XCL1: variants seen among roughly 807,000 people sequenced by gnomAD.
XCL1 encodes lymphotactin.
XCL1 carries 6 observed loss-of-function variants against 7.4 expected under a neutral mutation model. That is an observed-to-expected ratio of 0.82 (90% confidence interval 0.45 to 1.61). The LOEUF (loss-of-function observed/expected upper bound fraction) is 1.61, where lower values mean the gene tolerates loss of function less well. XCL1 is among the 40% of genes most tolerant of loss of function. The pLI is 0.01. For missense variants in XCL1, 122 were observed against 138.2 expected (o/e 0.88, Z 0.59); for synonymous variants, 48 against 52.4 (o/e 0.92, Z 0.36).
chr1:168,579,652 C>T (rs543350005), intron 1 of XCL1, among the ~76,000 whole-genome samples: 3 of 152,026 alleles, frequency 2.0e-5, no homozygotes, highest in African/African-American at 4.8e-5. Context: ...CTGGCTCCCT[C>T]ATGAGAAGAT....
In XCL1 at chr1:168,581,209, C is replaced by G. The variant is rs761412561; in HGVS notation, c.334C>G (p.Leu112Val). The G allele has an allele frequency of 6.2e-7, 1 of 1,613,674 alleles. No individual in the cohort carries two copies. Among genetic ancestry groups the G allele is most frequent in the Admixed American group, 1.7e-5 (1 of 59,982 alleles). Residue 112 changes from leucine (L) to valine (V), a missense_variant, in exon 3 of 3, where the codon CTG becomes GTG. By Grantham distance (32) the Leu-to-Val change is conservative (BLOSUM62 1). Coordinates refer to ENST00000367818, the MANE Select transcript of XCL1 (RefSeq NM_002995.3). The stretch of plus-strand genomic sequence containing the variant: ...GCAATCGACCAATACAGCTGTGACT[C>G]TGACTGGCTAGTAGTCTCTGGCACC... ...TQQSTNTAVTLTG is the reference protein window; with the variant it reads ...TQQSTNTAVTVTG
At chr1:168,580,236 T>A in intron 2 of XCL1, 59 bp downstream of exon 2, 1 of 1,552,752 alleles carries the variant, frequency 6.4e-7, no homozygotes, top group Non-Finnish European at 8.8e-7. Flanking sequence ...AGAAATACAC[T>A]CTGTAGAAAT....
At position 168,581,164 on chromosome 1, in the gene XCL1, A is replaced by T. The variant is rs1457585595; in HGVS notation, c.289A>T (p.Thr97Ser). The T allele has an allele frequency of 3.7e-6, 6 of 1,613,700 alleles. No homozygotes were observed. In the African/African-American group the frequency reaches 6.7e-5, roughly 18 times the overall value. ...KSNTRNNMIQ[T>S]KPTGTQQSTN... ...CAACACCAGAAATAACATGATCCAG[A>T]CCAAGCCAACAGGAACCCAGCAATC... is the stretch of plus-strand genomic sequence containing the variant. Residue 97 changes from threonine to serine, a missense_variant, in exon 3 of 3, where the codon ACC becomes TCC. By Grantham distance (58) the Thr-to-Ser change is moderately conservative. Coordinates refer to ENST00000367818, the MANE Select transcript of XCL1 (RefSeq NM_002995.3).
chr1:168,576,795 C>A lies in XCL1; in HGVS notation c.61+97C>A, dbSNP rs1572577167. On this transcript the variant is annotated intron_variant, in intron 1 of 2. Coordinates refer to ENST00000367818, the MANE Select transcript of XCL1 (RefSeq NM_002995.3). ...CTCAGGTTATGACTGGACTAACCTGCTTTCCCCAGGGGAGCCTTAAACTTC... is the reference window on the plus strand; with the variant it reads ...CTCAGGTTATGACTGGACTAACCTGATTTCCCCAGGGGAGCCTTAAACTTC... 5.2e-6 allele frequency: 8 copies of A among 1,550,656 alleles called. No homozygotes were observed. The East Asian group carries it at 1.8e-4, about 36-fold the overall frequency.
Position 168,580,047 on chromosome 1 carries a change from T to G in XCL1, c.62-16T>G, listed in dbSNP as rs1356072717. ...GCTTTATTTTTAATTGTCTGTTGTT[T>G]TTTTTTCCTCACCAGGTGTAGGGAG... On this transcript the variant is annotated splice_polypyrimidine_tract_variant and intron_variant, in intron 1 of 2. Transcript: ENST00000367818. The G allele has an allele frequency of 3.1e-6, 5 of 1,604,064 alleles. No individual in the cohort carries two copies. The highest frequency in any genetic ancestry group is 1.1e-5 in the South Asian group (1 of 89,340).
Position 168,580,125 on chromosome 1 carries a change from G to A in XCL1, c.124G>A (p.Val42Ile). 1.2e-6 allele frequency: 2 copies of A among 1,613,428 alleles called. No individual in the cohort carries two copies. Among genetic ancestry groups the A allele is most frequent in the Non-Finnish European group, 1.7e-6 (2 of 1,179,634 alleles). Reference sequence around the variant, plus strand: ...GAGCCTCACTACCCAGCGACTGCCGGTTAGCAGAATCAAGACCTACACCAT... The same window carrying A: ...GAGCCTCACTACCCAGCGACTGCCGATTAGCAGAATCAAGACCTACACCAT... Reference protein sequence around the residue: ...CVSLTTQRLPVSRIKTYTITE... With the variant: ...CVSLTTQRLPISRIKTYTITE... Residue 42 changes from valine to isoleucine, a missense_variant, in exon 2 of 3, where the codon GTT becomes ATT. Val to Ile is a conservative substitution (Grantham distance 29, BLOSUM62 3). Coordinates refer to ENST00000367818, the MANE Select transcript of XCL1 (RefSeq NM_002995.3).
chr1:168,577,312 TG>T (rs1655046948), intron 1 of XCL1, among the ~76,000 whole-genome samples: 1 of 152,068 alleles, frequency 6.6e-6, no homozygotes, highest in East Asian at 1.9e-4. Context: ...TTCAAGTACG[TG>T]GGGGACTCTG....
Position 168,581,274 on chromosome 1 carries a change from G to T in XCL1, c.*54G>T. The T allele has an allele frequency of 6.3e-7, 1 of 1,592,758 alleles. No individual in the cohort carries two copies. Among genetic ancestry groups the T allele is most frequent in the Non-Finnish European group, 8.6e-7 (1 of 1,167,188 alleles). Reference sequence around the variant, plus strand: ...CCAGCCAGCTCATTTCACTTTACACGCTCATGGACTGAGTTTATACTCACC... The same window carrying T: ...CCAGCCAGCTCATTTCACTTTACACTCTCATGGACTGAGTTTATACTCACC... On this transcript the variant is annotated 3_prime_UTR_variant, in exon 3 of 3. Transcript: ENST00000367818.
chr1:168,578,992 C>A (rs1196172786), intron 1 of XCL1: 1 of 402,888 alleles, frequency 2.5e-6, no homozygotes, highest in Non-Finnish European at 4.9e-6. Context: ...TCTTCTTTTC[C>A]AGCAAGGTGG....
At chr1:168,576,814 A>T in intron 1 of XCL1, 116 bp downstream of exon 1, 6 of 1,390,924 alleles carry the variant, frequency 4.3e-6, no homozygotes, top group Non-Finnish European at 6.0e-6. Context: ...GGGGAGCCTT[A>T]AACTTCCCAT....
At chr1:168,577,598 A>T (rs1688605539) in intron 1 of XCL1, among the ~76,000 whole-genome samples, 1 of 152,184 alleles carries the variant, frequency 6.6e-6, no homozygotes, top group South Asian at 2.1e-4. Context: ...ATTATAACTT[A>T]ATAATGGGTC....
intron 2 of XCL1, among the ~76,000 whole-genome samples, chr1:168,580,658 T>G (rs1258985923): frequency 6.6e-6 from 1 of 152,206 alleles, no homozygotes; most frequent in Non-Finnish European, 1.5e-5. Context: ...CAACATGTAA[T>G]TGCAAGCTTT....
In XCL1 at chr1:168,576,653, C is replaced by T. The variant is rs1284754268; in HGVS notation, c.16C>T (p.Leu6=). 6 of 1,613,744 alleles carry T rather than the reference C, an allele frequency of 3.7e-6. No individual in the cohort carries two copies. Among genetic ancestry groups the T allele is most frequent in the Non-Finnish European group, 4.2e-6 (5 of 1,179,812 alleles). The change falls in exon 1 of 3, where the codon CTG becomes TTG. Residue 6 remains leucine, a synonymous_variant. Transcript: ENST00000367818. ...GACCTCAGCCATGAGACTTCTCATCCTGGCCCTCCTTGGCATCTGCTCTCT... is the reference window on the plus strand; with the variant it reads ...GACCTCAGCCATGAGACTTCTCATCTTGGCCCTCCTTGGCATCTGCTCTCT... MRLLI[L]ALLGICSLTA...
At chr1:168,577,279 A>C (rs1185009205) in intron 1 of XCL1, among the ~76,000 whole-genome samples, 1 of 152,210 alleles carries the variant, frequency 6.6e-6, no homozygotes, top group Non-Finnish European at 1.5e-5. Flanking sequence ...TCAAACCTTC[A>C]TGTCCAGAAA....
chr1:168,581,617 A>T lies in XCL1; in HGVS notation c.*397A>T, dbSNP rs1655175166. 1 of 154,562 alleles carries T rather than the reference A, an allele frequency of 6.5e-6. No individual in the cohort carries two copies. Among genetic ancestry groups the T allele is most frequent in the Non-Finnish European group, 1.4e-5 (1 of 69,770 alleles). The allele number at this position is 154,562 out of a possible 1,614,324, so 9.6% of individuals were successfully genotyped here. Reference sequence around the variant, plus strand: ...CACAAGTTACAGCTGTGACAATGGCAACAATTTGAGATGTATTTCAACTTG... The same window carrying T: ...CACAAGTTACAGCTGTGACAATGGCTACAATTTGAGATGTATTTCAACTTG... On this transcript the variant is annotated 3_prime_UTR_variant, in exon 3 of 3. Transcript: ENST00000367818.
chr1:168,581,318 T>G lies in XCL1; in HGVS notation c.*98T>G. On this transcript the variant is annotated 3_prime_UTR_variant, in exon 3 of 3. Transcript: ENST00000367818. The stretch of plus-strand genomic sequence containing the variant: ...ACTCACCTTTTATGAAAGCACTGCA[T>G]GAATAAAATTATTCCTTTGTATTTT... The G allele has an allele frequency of 1.4e-6, 2 of 1,445,450 alleles. No individual in the cohort carries two copies. The highest frequency in any genetic ancestry group is 3.1e-5 in the South Asian group (2 of 64,408). The allele number at this position is 1,445,450 out of a possible 1,614,324, so 89.5% of individuals were successfully genotyped here. A position where few individuals can be genotyped will look rare whatever the true frequency, so the allele number is the denominator to read the frequency against.
In XCL1 at chr1:168,576,791, C is replaced by T. The variant is rs569923750; in HGVS notation, c.61+93C>T. The T allele has an allele frequency of 3.3e-6, 5 of 1,514,170 alleles. No homozygotes were observed. The African/African-American group carries it at 4.3e-5, about 13-fold the overall frequency. 93.8% of individuals were successfully genotyped at this position (1,514,170 alleles called of 1,614,324 possible). A position where few individuals can be genotyped will look rare whatever the true frequency, so the allele number is the denominator to read the frequency against. Reference sequence around the variant, plus strand: ...TTGACTCAGGTTATGACTGGACTAACCTGCTTTCCCCAGGGGAGCCTTAAA... The same window carrying T: ...TTGACTCAGGTTATGACTGGACTAATCTGCTTTCCCCAGGGGAGCCTTAAA... On this transcript the variant is annotated intron_variant, in intron 1 of 2. Coordinates refer to ENST00000367818, the MANE Select transcript of XCL1 (RefSeq NM_002995.3).
chr1:168,580,411 G>T lies in XCL1; in HGVS notation c.176+234G>T, dbSNP rs575310734. Among the ~76,000 whole-genome samples, 400 of 151,946 alleles carry T rather than the reference G, an allele frequency of 2.6e-3. 2 individuals carry two copies. The highest frequency in any genetic ancestry group is 0.011 in the South Asian group (54 of 4,796). Reference sequence around the variant, plus strand: ...AAGAATAGAAGTCCTCCTCTATTTAGCTTAGTGGAAGAGTCTGTTGAATAC... The same window carrying T: ...AAGAATAGAAGTCCTCCTCTATTTATCTTAGTGGAAGAGTCTGTTGAATAC... On this transcript the variant is annotated intron_variant, in intron 2 of 2. Coordinates refer to ENST00000367818, the MANE Select transcript of XCL1 (RefSeq NM_002995.3).
rs1655173572 is a variant in XCL1 at position 168,581,533 on chromosome 1, G to C, written c.*313G>C. 5.1e-6 allele frequency: 1 copy of C among 196,556 alleles called. No individual in the cohort carries two copies. Among genetic ancestry groups the C allele is most frequent in the Non-Finnish European group, 1.0e-5 (1 of 98,830 alleles). 12.2% of individuals were successfully genotyped at this position (196,556 alleles called of 1,614,324 possible). A position where few individuals can be genotyped will look rare whatever the true frequency, so the allele number is the denominator to read the frequency against. ...AGATTCTGGCTAGTGTCTATCAGAG[G>C]TGAAAGCTATATCAATCTCTCTTAG... On this transcript the variant is annotated 3_prime_UTR_variant, in exon 3 of 3. Transcript: ENST00000367818.
Sources: allele counts gnomAD v4.1 joint callset (sites outside exome capture counted in the v4.1 genomes callset), GRCh38; gene constraint gnomAD v4.1.1; transcripts MANE v1.5; gene names NCBI Gene and HGNC (gene_info 2026-07-23, HGNC 2026-07-21).